Variants in PCED1B observed in about 807,000 individuals in gnomAD.
The protein encoded by PCED1B is PC-esterase domain-containing protein 1B.
For missense variants in PCED1B, 573 were observed against 573.9 expected, an observed-to-expected ratio of 1.00 and a Z score of 0.02; for synonymous variants, 251 against 246.1, an observed-to-expected ratio of 1.02 and a Z score of -0.19.
At chr12:47,136,097 T>TTTG (rs1565770417) in intron 2 of PCED1B, among the ~76,000 whole-genome samples, 2 of 150,408 alleles carry the variant, frequency 1.3e-5, no homozygotes, top group South Asian at 2.1e-4. Context: ...TTTTTTTTTT[T>TTTG]TTTGGCCAAT....
At chr12:47,203,836 G>A (rs997673233) in intron 2 of PCED1B, among the ~76,000 whole-genome samples, 2 of 152,170 alleles carry the variant, frequency 1.3e-5, no homozygotes, top group Non-Finnish European at 2.9e-5. Flanking sequence ...CCGGTAATGG[G>A]ATTGCTGGGT....
intron 2 of PCED1B, among the ~76,000 whole-genome samples, chr12:47,169,487 T>C (rs1941650252): frequency 6.6e-6 from 1 of 152,222 alleles, no homozygotes; most frequent in African/African-American, 2.4e-5. Flanking sequence ...TGGGGTAGTA[T>C]GTCCTAAACC....
At chr12:47,233,128 A>G (rs1231212452) in intron 3 of PCED1B, among the ~76,000 whole-genome samples, 2 of 151,912 alleles carry the variant, frequency 1.3e-5, no homozygotes, top group Non-Finnish European at 2.9e-5. Flanking sequence ...CTGGTCTCGA[A>G]CTCCTGAGCT....
chr12:47,197,168 G>A (rs1187792462), intron 2 of PCED1B, among the ~76,000 whole-genome samples: 1 of 146,692 alleles, frequency 6.8e-6, no homozygotes, highest in Non-Finnish European at 1.5e-5. Context: ...GAACTTGGGA[G>A]GCGGAGGTTG....
At chr12:47,203,852 G>A (rs1274309430) in intron 2 of PCED1B, among the ~76,000 whole-genome samples, 2 of 152,102 alleles carry the variant, frequency 1.3e-5, no homozygotes, top group South Asian at 2.1e-4. Flanking sequence ...TGGGTCTAAT[G>A]GTATTTCTGC....
chr12:47,149,697 C>T (rs1940920258), intron 2 of PCED1B, among the ~76,000 whole-genome samples: 1 of 152,116 alleles, frequency 6.6e-6, no homozygotes, highest in Admixed American at 6.5e-5. Context: ...AAAAATAATA[C>T]TTATTCATTG....
chr12:47,235,874 C>A lies in PCED1B; in HGVS notation c.811C>A (p.Pro271Thr). 6.3e-7 allele frequency: 1 copy of A among 1,583,908 alleles called. No individual in the cohort carries two copies. Among genetic ancestry groups the A allele is most frequent in the Non-Finnish European group, 8.6e-7 (1 of 1,165,352 alleles). Residue 271 changes from proline to threonine, a missense_variant, in exon 4 of 4, where the codon CCT becomes ACT. Transcript: ENST00000546455. ...PVGEWIKKKK[P>T]GPRVEGPPQA... ...GGGCGAGTGGATCAAGAAGAAAAAA[C>A]CTGGCCCGAGAGTCGAAGGGCCGCC...
chr12:47,147,332 GTCA>G (rs1327286138), intron 2 of PCED1B, among the ~76,000 whole-genome samples: 1 of 151,932 alleles, frequency 6.6e-6, no homozygotes, highest in Non-Finnish European at 1.5e-5. Flanking sequence ...GCTCTTAAAT[GTCA>G]CCTTCCATAA....
intron 2 of PCED1B, among the ~76,000 whole-genome samples, chr12:47,211,132 A>G (rs1943064625): frequency 6.6e-6 from 1 of 152,156 alleles, no homozygotes; most frequent in African/African-American, 2.4e-5. Flanking sequence ...TAAAGCCATA[A>G]ATGCACTCCC....
At chr12:47,127,168 C>T (rs932349357) in intron 2 of PCED1B, among the ~76,000 whole-genome samples, 7 of 152,082 alleles carry the variant, frequency 4.6e-5, no homozygotes, top group Non-Finnish European at 8.8e-5. Context: ...TTATGAACTG[C>T]ATCAGCTGCA....
At chr12:47,171,211 G>T (rs536262955) in intron 2 of PCED1B, among the ~76,000 whole-genome samples, 1 of 151,864 alleles carries the variant, frequency 6.6e-6, no homozygotes, top group Non-Finnish European at 1.5e-5. Flanking sequence ...AGGATTACAG[G>T]TATGCACCAC....
At chr12:47,148,503 CA>C (rs1459139381) in intron 2 of PCED1B, among the ~76,000 whole-genome samples, 15 of 152,172 alleles carry the variant, frequency 9.9e-5, no homozygotes, top group Admixed American at 6.5e-5. Context: ...AGCAAATTTA[CA>C]GGCAGAGTAG....
Position 47,221,649 on chromosome 12 carries a change from T to C in PCED1B, c.-58+4960T>C, listed in dbSNP as rs186650390. 3.9e-5 allele frequency among the ~76,000 whole-genome samples: 6 copies of C among 152,372 alleles called. No individual in the cohort carries two copies. In the East Asian group the frequency reaches 9.6e-4, roughly 24 times the overall value. On this transcript the variant is annotated intron_variant, in intron 3 of 3. Transcript: ENST00000546455. ...CCAGCCAGTGCTTCAAGAAAAATTA[T>C]ACAGCAGCTCTCTGAAATTGCCTGG...
At chr12:47,207,983 C>T (rs574347380) in intron 2 of PCED1B, among the ~76,000 whole-genome samples, 27 of 152,108 alleles carry the variant, frequency 1.8e-4, no homozygotes, top group South Asian at 1.0e-3. Flanking sequence ...GTTTCTCCCT[C>T]GAACTTTGTG....
chr12:47,113,088 A>T (rs1017999048), intron 2 of PCED1B, among the ~76,000 whole-genome samples: 1 of 152,164 alleles, frequency 6.6e-6, no homozygotes, highest in Admixed American at 6.5e-5. Flanking sequence ...TGACTTGGGG[A>T]TGTCTTATTC....
chr12:47,211,286 TTATC>T (rs1480116555), intron 2 of PCED1B, among the ~76,000 whole-genome samples: 1 of 152,160 alleles, frequency 6.6e-6, no homozygotes, highest in Non-Finnish European at 1.5e-5. Context: ...CGATGGATGT[TTATC>T]TAATAAAGTA....
chr12:47,123,609 T>G (rs945688011), intron 2 of PCED1B, among the ~76,000 whole-genome samples: 1 of 152,038 alleles, frequency 6.6e-6, no homozygotes, highest in Admixed American at 6.6e-5. Flanking sequence ...CTTAATGTAT[T>G]TTATATTCAA....
At chr12:47,176,869 C>T (rs1168233870) in intron 2 of PCED1B, among the ~76,000 whole-genome samples, 1 of 150,176 alleles carries the variant, frequency 6.7e-6, no homozygotes, top group East Asian at 1.9e-4. Context: ...AAAAAAAAAA[C>T]CCACTAATGT....
chr12:47,106,504 G>A (rs1224898304), intron 2 of PCED1B, among the ~76,000 whole-genome samples: 1 of 152,098 alleles, frequency 6.6e-6, no homozygotes, highest in African/African-American at 2.4e-5. Flanking sequence ...CCTCTGACCT[G>A]GTGCTCAGGA....
Sources: gnomAD v4.1 joint callset for allele counts (sites outside exome capture counted in the v4.1 genomes callset) on GRCh38, gnomAD v4.1.1 for gene constraint, MANE v1.5 for transcripts, NCBI Gene and HGNC (gene_info 2026-07-23, HGNC 2026-07-21) for gene names.